The following ERCC8 variants were observed in gnomAD, a reference collection of about 807,000 sequenced individuals.
ERCC8 encodes DNA excision repair protein ERCC-8.
In ERCC8, 52 loss-of-function variants were observed where a neutral mutation model predicts 54.9. The observed-to-expected ratio is 0.95, with a 90% CI of 0.76 to 1.19. The LOEUF is 1.19. Among genes scored for constraint, ERCC8 ranks in the 50% most tolerant of loss-of-function variants. The pLI is 0.00. For synonymous variants in ERCC8, 146 were observed against 157.2 expected, an observed-to-expected ratio of 0.93 and a Z score of 0.53; for missense variants, 514 against 466.1, an observed-to-expected ratio of 1.10 and a Z score of -0.95.
intron 1 of ERCC8, among the ~76,000 whole-genome samples, chr5:60,935,893 TGATCATGGTG>T (rs2112541887): frequency 6.6e-6 from 1 of 152,332 alleles, no homozygotes; most frequent in African/African-American, 2.4e-5. Flanking sequence ...GAAACCCACT[TGATCATGGTG>T]GATTATATTT....
intron 1 of ERCC8, among the ~76,000 whole-genome samples, chr5:60,933,216 CTTTTTTTTTTTTT>C (rs143139297): frequency 3.4e-5 from 3 of 89,484 alleles, no homozygotes; most frequent in Admixed American, 1.7e-4. Flanking sequence ...CCTTTTTTTT[CTTTTTTTTTTTTT>C]TTTTTTTGAG....
chr5:60,944,883 G>A, intron 1 of ERCC8, 49 bp downstream of exon 1: 1 of 1,304,402 alleles, frequency 7.7e-7, no homozygotes. Context: ...TACAGTCATT[G>A]GTCCAGATTC....
At chr5:60,902,695 A>G (rs1453883922) in intron 6 of ERCC8, among the ~76,000 whole-genome samples, 187 bp from the exon 7 acceptor site, 1 of 152,058 alleles carries the variant, frequency 6.6e-6, no homozygotes, top group African/African-American at 2.4e-5. Flanking sequence ...GGTATTTCAA[A>G]CATATGGTAT....
chr5:60,908,420 G>A (rs950549515), intron 4 of ERCC8, among the ~76,000 whole-genome samples: 3 of 151,550 alleles, frequency 2.0e-5, no homozygotes, highest in Admixed American at 2.0e-4. Flanking sequence ...ATCTTCATTT[G>A]GATTTCCTGT....
chr5:60,892,794 T>A, intron 9 of ERCC8: 2 of 682,652 alleles, frequency 2.9e-6, no homozygotes, highest in Admixed American at 2.2e-5. Flanking sequence ...CAGGTAGACC[T>A]CCTGCATGAA....
At chr5:60,884,293 T>C (rs1490412158) in intron 11 of ERCC8, among the ~76,000 whole-genome samples, 1 of 151,472 alleles carries the variant, frequency 6.6e-6, no homozygotes, top group African/African-American at 2.4e-5. Context: ...TCCTGTGAAT[T>C]GTGAAACCCC....
At chr5:60,927,570 C>T (rs892457190) in intron 2 of ERCC8, among the ~76,000 whole-genome samples, 2 of 152,212 alleles carry the variant, frequency 1.3e-5, no homozygotes, top group Admixed American at 1.3e-4. Context: ...TTCTCACCAA[C>T]TCTGCCAACT....
intron 11 of ERCC8, among the ~76,000 whole-genome samples, chr5:60,876,280 T>G (rs956328854): frequency 2.6e-5 from 4 of 152,246 alleles, no homozygotes; most frequent in Non-Finnish European, 5.9e-5. Flanking sequence ...AGTCTATCAC[T>G]GATGGACATT....
intron 9 of ERCC8, chr5:60,892,465 G>T: frequency 1.8e-6 from 1 of 565,882 alleles, no homozygotes; most frequent in Non-Finnish European, 3.5e-6. Flanking sequence ...TGAGTGGGTG[G>T]TGGTGGTCTA....
intron 7 of ERCC8, among the ~76,000 whole-genome samples, chr5:60,901,017 T>A (rs1457389089): frequency 1.3e-5 from 2 of 151,986 alleles, no homozygotes; most frequent in Non-Finnish European, 2.9e-5. Flanking sequence ...AACAGAAGCT[T>A]CTTTGGGGCC....
rs1231210752 is a variant in ERCC8 at position 60,904,660 on chromosome 5, A to G, written c.481+132T>C. 4.9e-5 allele frequency: 7 copies of G among 142,828 alleles called. No homozygotes were observed. In the East Asian group the frequency reaches 5.6e-4, roughly 12 times the overall value. The allele number at this position is 142,828 out of a possible 1,614,324, so 8.8% of individuals were successfully genotyped here. The stretch of plus-strand genomic sequence containing the variant: ...TATATATATATATATATATATATAT[A>G]TATATATATATATATATATATATAA... On this transcript the variant is annotated intron_variant, in intron 5 of 11. Coordinates refer to ENST00000676185, the MANE Select transcript of ERCC8 (RefSeq NM_000082.4).
chr5:60,892,566 TG>T, intron 9 of ERCC8: 2 of 658,682 alleles, frequency 3.0e-6, no homozygotes. Context: ...CCCCAAATGG[TG>T]GGCCACTGCT....
intron 7 of ERCC8, among the ~76,000 whole-genome samples, chr5:60,901,217 T>G (rs1748895147): frequency 1.3e-5 from 2 of 152,178 alleles, no homozygotes; most frequent in African/African-American, 2.4e-5. Flanking sequence ...ACTCTCATAC[T>G]TCTACTTCAT....
chr5:60,936,383 T>C (rs1340200201), intron 1 of ERCC8, among the ~76,000 whole-genome samples: 1 of 152,204 alleles, frequency 6.6e-6, no homozygotes, highest in Admixed American at 6.5e-5. Flanking sequence ...TTGTTTCTAA[T>C]TGAATTTACC....
chr5:60,918,053 GAC>G (rs1431808367), intron 4 of ERCC8: 1 of 536,166 alleles, frequency 1.9e-6, no homozygotes, highest in South Asian at 2.0e-5. Context: ...AGATGAGAAA[GAC>G]ACACAGAGGT....
intron 1 of ERCC8, among the ~76,000 whole-genome samples, chr5:60,930,683 G>A (rs764468873): frequency 5.2e-4 from 79 of 151,488 alleles, no homozygotes; most frequent in Non-Finnish European, 8.1e-4. Flanking sequence ...CCGAGATCGC[G>A]CCACTGCACT....
chr5:60,916,313 C>T (rs1024669623), intron 4 of ERCC8, among the ~76,000 whole-genome samples: 2 of 152,024 alleles, frequency 1.3e-5, no homozygotes, highest in African/African-American at 4.8e-5. Flanking sequence ...TAGAAGCTAT[C>T]CAATGCCTGT....
chr5:60,895,977 ATTTCTTTTCT>A (rs112804303), intron 9 of ERCC8, among the ~76,000 whole-genome samples: 6 of 151,860 alleles, frequency 4.0e-5, no homozygotes, highest in East Asian at 1.9e-4. Flanking sequence ...TCATATTAAT[ATTTCTTTTCT>A]TTTCTTTTCT....
intron 2 of ERCC8, among the ~76,000 whole-genome samples, chr5:60,923,808 T>C (rs866121442): frequency 7.2e-5 from 11 of 152,166 alleles, no homozygotes; most frequent in African/African-American, 2.6e-4. Flanking sequence ...TTTATCCCAA[T>C]CAAAAATAGG....
Sources: gnomAD v4.1 joint callset for allele counts (sites outside exome capture counted in the v4.1 genomes callset) on GRCh38, gnomAD v4.1.1 for gene constraint, MANE v1.5 for transcripts, NCBI Gene and HGNC (gene_info 2026-07-23, HGNC 2026-07-21) for gene names.